Variants in PLEKHG4B observed in about 807,000 individuals in gnomAD.
PLEKHG4B encodes pleckstrin homology and RhoGEF domain containing G4B, also known as pleckstrin homology domain-containing family G member 4B.
Under a neutral mutation model 121.3 loss-of-function variants are expected in PLEKHG4B, and 111 were observed. That is an observed-to-expected ratio of 0.92 (90% CI 0.78 to 1.07). The LOEUF is 1.07. PLEKHG4B is among the 50% of genes least tolerant of loss of function. The pLI is 0.00. For synonymous variants in PLEKHG4B, 738 were observed against 725.0 expected, an observed-to-expected ratio of 1.02 and a Z score of -0.29; for missense variants, 1,831 against 1,757.8, an observed-to-expected ratio of 1.04 and a Z score of -0.74.
rs1453043579 is a variant in PLEKHG4B, at chr5:140,378, C to A, written c.1139C>A (p.Ser380Tyr). 2 of 1,552,276 alleles carry A rather than the reference C, an allele frequency of 1.3e-6. No homozygotes were observed. Among genetic ancestry groups the A allele is most frequent in the Non-Finnish European group, 1.7e-6 (2 of 1,148,714 alleles). ...EEALGDLACS[S>Y]LTGASRDLGT... ...GCCCTCGGGGACCTGGCCTGCAGCT[C>A]CCTGACTGGAGCCAGCAGGGACCTG... is the stretch of plus-strand genomic sequence containing the variant. Residue 380 changes from serine (S) to tyrosine (Y), a missense_variant, in exon 3 of 20, where the codon TCC (serine) becomes TAC (tyrosine). Ser to Tyr is a moderately radical substitution (Grantham distance 144). Coordinates refer to ENST00000637938, the MANE Select transcript of PLEKHG4B (RefSeq NM_052909.5).
At chr5:161,679 G>C (rs73014661) in intron 11 of PLEKHG4B, 104 bp from the exon 12 acceptor site, 3 of 1,496,124 alleles carry the variant, frequency 2.0e-6, no homozygotes, top group East Asian at 2.3e-5. Flanking sequence ...ACTGTGGGCC[G>C]TCCGAGCCTT....
intron 1 of PLEKHG4B, among the ~76,000 whole-genome samples, chr5:103,343 T>G (rs915228374): frequency 5.3e-5 from 8 of 152,164 alleles, no homozygotes; most frequent in African/African-American, 1.7e-4. Flanking sequence ...TTATTTTTTC[T>G]GCTTGGATTC....
intron 12 of PLEKHG4B, among the ~76,000 whole-genome samples, chr5:162,465 A>G (rs1736047909): frequency 1.3e-5 from 2 of 152,190 alleles, no homozygotes; most frequent in South Asian, 2.1e-4. Flanking sequence ...TGATCTACAC[A>G]ATGTCTTCAC....
intron 7 of PLEKHG4B, among the ~76,000 whole-genome samples, chr5:153,347 C>G (rs1221017156): frequency 6.6e-6 from 1 of 152,142 alleles, no homozygotes. Flanking sequence ...GTCACATAAT[C>G]CTGGACATTG....
intron 6 of PLEKHG4B, among the ~76,000 whole-genome samples, chr5:146,726 T>C (rs1438763951): frequency 1.8e-5 from 2 of 108,340 alleles, no homozygotes; most frequent in Admixed American, 2.0e-4. Context: ...CGGCCCTCCC[T>C]TCCTCTCCCC....
intron 2 of PLEKHG4B, among the ~76,000 whole-genome samples, chr5:121,229 A>C (rs573328727): frequency 6.6e-6 from 1 of 152,098 alleles, no homozygotes; most frequent in African/African-American, 2.4e-5. Context: ...CCTGGGTGAC[A>C]GAGTGAGACT....
At chr5:116,456 A>G (rs553889445) in intron 2 of PLEKHG4B, among the ~76,000 whole-genome samples, 1 of 152,380 alleles carries the variant, frequency 6.6e-6, no homozygotes, top group East Asian at 1.9e-4. Context: ...CAGTACGTGA[A>G]AAATGCATTA....
intron 14 of PLEKHG4B, 93 bp downstream of exon 14, chr5:169,685 T>A: frequency 6.5e-7 from 1 of 1,536,766 alleles, no homozygotes; most frequent in Non-Finnish European, 8.7e-7. Context: ...TGTCAGGCGG[T>A]TGGAATAGCT....
chr5:125,278 GTCT>G (rs1347896571), intron 2 of PLEKHG4B, among the ~76,000 whole-genome samples: 20 of 152,190 alleles, frequency 1.3e-4, no homozygotes, highest in African/African-American at 4.8e-4. Context: ...CTGCATTACT[GTCT>G]TCTTCAGTGT....
At chr5:140,784 CT>C (rs1272507649) in intron 3 of PLEKHG4B, 68 bp downstream of exon 3, 1 of 1,342,462 alleles carries the variant, frequency 7.4e-7, no homozygotes, top group Non-Finnish European at 9.8e-7. Context: ...CAATCTCCCC[CT>C]GCACACCCCA....
At chr5:123,763 G>A (rs7702412) in intron 2 of PLEKHG4B, among the ~76,000 whole-genome samples, 28,271 of 151,864 alleles carry the variant, frequency 0.19, 3,609 homozygotes, top group African/African-American at 0.36. Context: ...CAGTCCACTT[G>A]GCTAAAGGTT....
chr5:153,571 C>T (rs1165718685), intron 7 of PLEKHG4B, among the ~76,000 whole-genome samples: 1 of 152,216 alleles, frequency 6.6e-6, no homozygotes, highest in East Asian at 1.9e-4. Context: ...CCACAGCTGC[C>T]GCCTTCTGGG....
intron 2 of PLEKHG4B, among the ~76,000 whole-genome samples, chr5:130,222 C>T (rs745652504): frequency 5.9e-5 from 9 of 152,014 alleles, no homozygotes; most frequent in Non-Finnish European, 8.8e-5. Flanking sequence ...AAAAAACACA[C>T]AAAACAAAAG....
rs116463546 is a variant in PLEKHG4B at position 161,812 on chromosome 5, G to A, written c.2517G>A (p.Ala839=). Residue 839 remains alanine (A), a synonymous_variant, in exon 12 of 20, where the codon GCG becomes GCA. Coordinates refer to ENST00000637938, the MANE Select transcript of PLEKHG4B (RefSeq NM_052909.5). ...CCTGCCAGAAAGGACTACAGCTGGC[G>A]AAGGAGAACCCGCAACGTACAGAGG... ...QQSCQKGLQL[A]KENPQRTEEM... 31 of 1,613,856 alleles carry A rather than the reference G, an allele frequency of 1.9e-5. No homozygotes were observed. Among genetic ancestry groups the A allele is most frequent in the African/African-American group, 6.7e-5 (5 of 75,048 alleles).
intron 18 of PLEKHG4B, among the ~76,000 whole-genome samples, chr5:176,165 G>A (rs2126462305): frequency 8.4e-6 from 1 of 118,536 alleles, no homozygotes; most frequent in East Asian, 2.2e-4. Flanking sequence ...ACACCCCCGT[G>A]GGCTTCACCC....
At position 181,523 on chromosome 5, in the gene PLEKHG4B, T is replaced by C; in HGVS notation, c.4412T>C (p.Ile1471Thr). 6.2e-7 allele frequency: 1 copy of C among 1,613,014 alleles called. No homozygotes were observed. Among genetic ancestry groups the C allele is most frequent in the Non-Finnish European group, 8.5e-7 (1 of 1,179,564 alleles). ...CTTTCTTCTGTCTTAGAACTCAGAA[T>C]CCAAGAAATGGCATCCATGGGTATA... ...RQALKSRELR[I>T]QEMASMGIGN... is the part of the protein sequence containing the mutation. Residue 1471 changes from isoleucine (I) to threonine (T), a missense_variant, in exon 19 of 20, where the codon ATC (isoleucine) becomes ACC (threonine). Coordinates refer to ENST00000637938, the MANE Select transcript of PLEKHG4B (RefSeq NM_052909.5).
intron 5 of PLEKHG4B, 77 bp downstream of exon 5, chr5:143,580 G>A (rs547243153): frequency 7.7e-5 from 120 of 1,558,838 alleles, no homozygotes; most frequent in South Asian, 4.9e-4. Context: ...TGGGGGGCAC[G>A]GGGAGGTGCC....
rs146548814 is a variant in PLEKHG4B, at chr5:165,203, A to G, written c.3476+1655A>G. ...TCACAGTACTCCTCTGACGGGGCGG[A>G]GCTCACACTAATGCTCTGACGGGGC... On this transcript the variant is annotated intron_variant, in intron 13 of 19. Transcript: ENST00000637938. 8.9e-3 allele frequency among the ~76,000 whole-genome samples: 166 copies of G among 18,604 alleles called. 7 individuals are homozygous for G. The highest frequency in any genetic ancestry group is 0.042 in the Middle Eastern group (1 of 24). 12.2% of individuals were successfully genotyped at this position (18,604 alleles called of 152,430 possible).
Position 188,320 on chromosome 5 carries a change from G to C in PLEKHG4B, c.*5997G>C, listed in dbSNP as rs1257272393. The stretch of plus-strand genomic sequence containing the variant: ...AGTTTTCACACCTGCCTGATGTCCT[G>C]GGGGGGCTCACAGAGGACCGACCCT... On this transcript the variant is annotated 3_prime_UTR_variant, in exon 20 of 20. Coordinates refer to ENST00000637938, the MANE Select transcript of PLEKHG4B (RefSeq NM_052909.5). 2.6e-5 allele frequency: 4 copies of C among 152,294 alleles called. No homozygotes were observed. Among genetic ancestry groups the C allele is most frequent in the East Asian group, 1.9e-4 (1 of 5,180 alleles). 9.4% of individuals were successfully genotyped at this position (152,294 alleles called of 1,614,324 possible).
Sources: gnomAD v4.1 joint callset for allele counts (sites outside exome capture counted in the v4.1 genomes callset) on GRCh38, gnomAD v4.1.1 for gene constraint, MANE v1.5 for transcripts, NCBI Gene and HGNC (gene_info 2026-07-23, HGNC 2026-07-21) for gene names.